The following SYNJ1 variants were observed in gnomAD, a reference collection of about 807,000 sequenced individuals.
SYNJ1 encodes polyphosphatidylinositol phosphatase SYNJ1.
In SYNJ1, 78 loss-of-function variants were observed where a neutral mutation model predicts 168.2. The ratio of observed to expected loss-of-function variants is 0.46; its 90% CI spans 0.39 to 0.56. SYNJ1 has a LOEUF of 0.56. SYNJ1 is among the 20% of genes least tolerant of loss of function. SYNJ1 has a pLI of 0.00. For missense variants in SYNJ1, 1,303 were observed against 1,597.6 expected (o/e 0.82, Z 3.14); for synonymous variants, 539 against 548.6 (o/e 0.98, Z 0.24).
chr21:32,653,500 T>C (rs2040350251), intron 21 of SYNJ1, 134 bp from the exon 22 acceptor site: 1 of 676,548 alleles, frequency 1.5e-6, no homozygotes, highest in Non-Finnish European at 2.5e-6. Context: ...GGAGCGCAGG[T>C]AGGGCTGGTG....
chr21:32,646,566 A>G lies in SYNJ1; in HGVS notation c.3074T>C (p.Leu1025Pro). Residue 1025 changes from leucine (L) to proline (P), a missense_variant, in exon 24 of 33, where the codon CTT (leucine) becomes CCT (proline). Physicochemically the swap from Leu to Pro is moderately conservative, Grantham distance 98. This residue lies in a region of SYNJ1 where 383 missense variants were observed against 388.8 expected (regional missense o/e 0.99). Coordinates refer to ENST00000674351, the MANE Select transcript of SYNJ1 (RefSeq NM_203446.3). ...VDDYSAEVEE[L>P]LPQHLQPSSS... ...AGATGGCTGGAGATGCTGAGGAAGAAGTTCCTCCACTTCAGCACTATAGTC... is the reference window on the plus strand; with the variant it reads ...AGATGGCTGGAGATGCTGAGGAAGAGGTTCCTCCACTTCAGCACTATAGTC... 6.2e-7 allele frequency: 1 copy of G among 1,614,168 alleles called. No individual in the cohort carries two copies. Among genetic ancestry groups the G allele is most frequent in the Non-Finnish European group, 8.5e-7 (1 of 1,180,006 alleles).
In SYNJ1 at chr21:32,699,992, C is replaced by T. The variant is rs1441010158; in HGVS notation, c.325G>A (p.Asp109Asn). The part of the protein sequence containing the change: ...TSTEFISLRI[D>N]SSDEDRISEV... ...GAAATGCGATCCTCATCTGAAGAAT[C>T]GATTCGCAGTGATATAAACTCAGTG... Residue 109 changes from aspartate (D) to asparagine (N), a missense_variant, in exon 4 of 33, where the codon GAT becomes AAT. This residue lies in a region of SYNJ1 where 920 missense variants were observed against 1,208.8 expected (regional missense o/e 0.76). Transcript: ENST00000674351. The T allele has an allele frequency of 3.8e-5, 62 of 1,614,158 alleles. No individual in the cohort carries two copies. The highest frequency in any genetic ancestry group is 4.9e-5 in the Non-Finnish European group (58 of 1,180,034).
chr21:32,651,472 G>T (rs1360979481), intron 22 of SYNJ1, among the ~76,000 whole-genome samples: 1 of 152,158 alleles, frequency 6.6e-6, no homozygotes, highest in Admixed American at 6.5e-5. Context: ...AGAATCCTAA[G>T]AATTCATAAT....
intron 17 of SYNJ1, 32 bp downstream of exon 17, chr21:32,665,911 T>C (rs1361982035): frequency 6.4e-7 from 1 of 1,550,432 alleles, no homozygotes; most frequent in Non-Finnish European, 8.7e-7. Context: ...ATTTCAAAGC[T>C]TTATCTTCAA....
chr21:32,676,382 A>C (rs374054792), intron 12 of SYNJ1, 27 bp from the exon 13 acceptor site: 1 of 1,604,046 alleles, frequency 6.2e-7, no homozygotes. Flanking sequence ...AAGAAAACAA[A>C]GAATCATTAG....
At chr21:32,681,670 T>G (rs776380526) in intron 10 of SYNJ1, 22 bp from the exon 11 acceptor site, 2 of 1,597,220 alleles carry the variant, frequency 1.3e-6, no homozygotes, top group Admixed American at 1.7e-5. Context: ...AACAAGAAAT[T>G]TTTATAAGTA....
At chr21:32,675,475 C>A (rs2041370164) in intron 13 of SYNJ1, among the ~76,000 whole-genome samples, 1 of 152,140 alleles carries the variant, frequency 6.6e-6, no homozygotes, top group African/African-American at 2.4e-5. Flanking sequence ...CATACTATTT[C>A]AGAAAATGGT....
chr21:32,721,447 G>A (rs757971600), intron 2 of SYNJ1, among the ~76,000 whole-genome samples: 19 of 152,318 alleles, frequency 1.2e-4, no homozygotes, highest in African/African-American at 3.6e-4. Context: ...GGGAAGCTGA[G>A]GTGGGTGGAT....
rs915001206 is a variant in SYNJ1, at chr21:32,628,846, T to G, written c.*2959A>C. 6.6e-6 allele frequency: 1 copy of G among 152,662 alleles called. No individual in the cohort carries two copies. The highest frequency in any genetic ancestry group is 1.5e-5 in the Non-Finnish European group (1 of 68,040). The allele number at this position is 152,662 out of a possible 1,614,324, so 9.5% of individuals were successfully genotyped here. On this transcript the variant is annotated 3_prime_UTR_variant, in exon 33 of 33. Transcript: ENST00000674351. ...GTCTGTGTACCACTGACTTTAATAC[T>G]GTACTTCTATAAAGTTTATAGTTAT...
intron 2 of SYNJ1, among the ~76,000 whole-genome samples, chr21:32,715,781 GT>G (rs926700847): frequency 2.6e-5 from 4 of 151,504 alleles, no homozygotes; most frequent in South Asian, 2.1e-4. Context: ...AGACAATAAA[GT>G]TTTTTTTTAA....
In SYNJ1 at chr21:32,687,049, A is replaced by T; in HGVS notation, c.877T>A (p.Tyr293Asn). 6.5e-7 allele frequency: 1 copy of T among 1,531,108 alleles called. No homozygotes were observed. Among genetic ancestry groups the T allele is most frequent in the Non-Finnish European group, 8.8e-7 (1 of 1,141,614 alleles). 94.8% of individuals were successfully genotyped at this position (1,531,108 alleles called of 1,614,324 possible). A position where few individuals can be genotyped will look rare whatever the true frequency, so the allele number is the denominator to read the frequency against. ...AAATTTACTATTATTTGTTTACCATATAAGTTCTTAAGTGTTCTAAAATGC... is the reference window on the plus strand; with the variant it reads ...AAATTTACTATTATTTGTTTACCATTTAAGTTCTTAAGTGTTCTAAAATGC... ...DRHFRTLKNL[Y>N]GKQIIVNLLG... The change falls in exon 8 of 33, where the codon TAT (tyrosine) becomes AAT (asparagine). Residue 293 changes from tyrosine to asparagine, a missense_variant. This residue lies in a region of SYNJ1 where 920 missense variants were observed against 1,208.8 expected (regional missense o/e 0.76). Coordinates refer to ENST00000674351, the MANE Select transcript of SYNJ1 (RefSeq NM_203446.3).
intron 2 of SYNJ1, among the ~76,000 whole-genome samples, chr21:32,711,326 G>A (rs1327100798): frequency 6.6e-6 from 1 of 151,434 alleles, no homozygotes; most frequent in Admixed American, 6.6e-5. Context: ...TCTTTTTTCT[G>A]GAGTGACTTA....
At chr21:32,657,632 T>C (rs954019644) in intron 19 of SYNJ1, 84 bp downstream of exon 19, 2 of 1,283,898 alleles carry the variant, frequency 1.6e-6, no homozygotes, top group Non-Finnish European at 2.1e-6. Context: ...AAAAACAATA[T>C]TCTCCTCATT....
At chr21:32,664,655 C>T (rs531001029) in intron 18 of SYNJ1, among the ~76,000 whole-genome samples, 9 of 152,170 alleles carry the variant, frequency 5.9e-5, no homozygotes, top group African/African-American at 9.6e-5. Flanking sequence ...TCGGGGAGCT[C>T]GGTTTTTGGA....
intron 30 of SYNJ1, 125 bp from the exon 31 acceptor site, chr21:32,639,250 G>T: frequency 1.1e-6 from 1 of 874,266 alleles, no homozygotes. Flanking sequence ...CTCATTTCTT[G>T]TGGTATAATG....
chr21:32,679,983 T>C (rs2041559342), intron 11 of SYNJ1, among the ~76,000 whole-genome samples: 1 of 152,058 alleles, frequency 6.6e-6, no homozygotes, highest in Non-Finnish European at 1.5e-5. Context: ...ATATGTAACC[T>C]CTGTACATAT....
At chr21:32,674,325 G>A (rs1490414175) in intron 13 of SYNJ1, among the ~76,000 whole-genome samples, 2 of 152,130 alleles carry the variant, frequency 1.3e-5, no homozygotes, top group Non-Finnish European at 2.9e-5. Context: ...TTTCCAATGA[G>A]GCCTTCTCTG....
rs118008950 is a variant in SYNJ1 at position 32,639,360 on chromosome 21, T to C, written c.3698-235A>G. ...AACAAAACCAGTACAGTATTTCTAA[T>C]ATAGTATCTACCTTTCTTTTCTCTC... On this transcript the variant is annotated intron_variant, in intron 30 of 32. Coordinates refer to ENST00000674351, the MANE Select transcript of SYNJ1 (RefSeq NM_203446.3). Among the ~76,000 whole-genome samples the C allele has an allele frequency of 5.3e-3, 805 of 152,214 alleles. 6 individuals are homozygous for C. The highest frequency in any genetic ancestry group is 7.8e-3 in the Non-Finnish European group (528 of 68,004).
intron 18 of SYNJ1, among the ~76,000 whole-genome samples, chr21:32,662,412 A>T (rs544409403): frequency 6.6e-6 from 1 of 152,322 alleles, no homozygotes; most frequent in East Asian, 1.9e-4. Flanking sequence ...GAACTTTAAA[A>T]GGAACGTGTT....
Sources: gnomAD v4.1 joint callset for allele counts (sites outside exome capture counted in the v4.1 genomes callset) on GRCh38, gnomAD v4.1.1 for gene constraint, gnomAD v4.1.1 regional missense constraint, MANE v1.5 for transcripts, NCBI Gene and HGNC (gene_info 2026-07-23, HGNC 2026-07-21) for gene names.